Variants in SAMD4B observed in about 807,000 individuals in gnomAD.
SAMD4B encodes the protein protein Smaug homolog 2.
A neutral mutation model predicts 74.5 loss-of-function variants in SAMD4B; 5 were observed. The ratio of observed to expected loss-of-function variants is 0.07; its 90% confidence interval spans 0.04 to 0.14. SAMD4B has a LOEUF of 0.14. Among genes scored for constraint, SAMD4B ranks in the 10% least tolerant of loss-of-function variants. The probability of loss-of-function intolerance (pLI) is 1.00; values close to 1 mark genes in which losing one functional copy is unlikely to be tolerated. For synonymous variants in SAMD4B, 373 were observed against 374.9 expected (o/e 1.00, Z 0.06); for missense variants, 608 against 921.8 (o/e 0.66, Z 4.41).
At chr19:39,388,788 C>T (rs1382042023), downstream of SAMD4B, 6 of 1,614,002 alleles carry the variant, frequency 3.7e-6, no homozygotes, top group Non-Finnish European at 2.5e-6. Flanking sequence ...ACATCATCTC[C>T]AACGCAGCTG....
chr19:39,383,493 C>A lies in SAMD4B; in HGVS notation c.2057-6C>A, dbSNP rs1366494782. The A allele has an allele frequency of 1.9e-6, 3 of 1,614,020 alleles. No individual in the cohort carries two copies. Among genetic ancestry groups the A allele is most frequent in the Admixed American group, 3.3e-5 (2 of 60,032 alleles). On this transcript the variant is annotated splice_region_variant and splice_polypyrimidine_tract_variant and intron_variant, in intron 13 of 13. Coordinates refer to ENST00000610417, the MANE Select transcript of SAMD4B (RefSeq NM_001384574.2). The surrounding 1 kb of genome is among the most constrained non-coding windows in gnomAD (Gnocchi z 4.1). ...TCTTCCTCCCTTCCTCCCTTTCTTA[C>A]CACAGATGGGACAGACAAAACCTCC...
At position 39,369,648 on chromosome 19, in the gene SAMD4B, T is replaced by C; in HGVS notation, c.197-7T>C. 2.5e-6 allele frequency: 4 copies of C among 1,612,864 alleles called. No individual in the cohort carries two copies. Among genetic ancestry groups the C allele is most frequent in the Non-Finnish European group, 3.4e-6 (4 of 1,179,256 alleles). ...TCTCCTGATATTTCTTCTTATCCCT[T>C]CTGTAGCCATCGTCAGCCAGTGGCA... is the stretch of plus-strand genomic sequence containing the variant. On this transcript the variant is annotated splice_region_variant and splice_polypyrimidine_tract_variant and intron_variant, in intron 3 of 13. Transcript: ENST00000610417.
At chr19:39,386,121 C>T (rs2078242068), downstream of SAMD4B, 2 of 1,614,110 alleles carry the variant, frequency 1.2e-6, no homozygotes, top group Non-Finnish European at 1.7e-6. This position sits in a 1 kb window ranked among gnomAD's most constrained non-coding sequence, Gnocchi z 6.1. Context: ...CCGCTGGCCA[C>T]CCCCATTGCT....
the SAMD4B span, chr19:39,390,739 C>A: frequency 6.9e-7 from 1 of 1,448,114 alleles, no homozygotes. Flanking sequence ...ACGGGCAGAC[C>A]TGGGGGCTGG....
At chr19:39,360,773 G>T (rs2076599757) in intron 3 of SAMD4B, among the ~76,000 whole-genome samples, 1 of 152,092 alleles carries the variant, frequency 6.6e-6, no homozygotes, top group East Asian at 1.9e-4. Context: ...CCATTCCCTG[G>T]TGTTTCTCAA....
At chr19:39,387,662 A>G (rs942051610), downstream of SAMD4B, among the ~76,000 whole-genome samples, 2 of 152,242 alleles carry the variant, frequency 1.3e-5, no homozygotes, top group Non-Finnish European at 2.9e-5. Context: ...ACTTTGAGCC[A>G]TAAGGGAAGA....
rs1369111908 is a variant in SAMD4B at position 39,369,381 on chromosome 19, A to G, written c.197-274A>G. On this transcript the variant is annotated intron_variant, in intron 3 of 13. Transcript: ENST00000610417. ...CAGGTCAAAACTCCCGTGCTGATCA[A>G]TAGTGGGATTGCACTTGTGAATAGC... 11 of 463,346 alleles carry G rather than the reference A, an allele frequency of 2.4e-5. No individual in the cohort carries two copies. In the Admixed American group the frequency reaches 2.6e-4, roughly 11 times the overall value. The allele number at this position is 463,346 out of a possible 1,614,324, so 28.7% of individuals were successfully genotyped here.
Position 39,375,566 on chromosome 19 carries a change from C to A in SAMD4B, c.668-84C>A. Reference sequence around the variant, plus strand: ...TTGGCAGGTTATGGGGCCAAACTGCCATCCTGGCACTGACGGCAGGGGGAT... The same window carrying A: ...TTGGCAGGTTATGGGGCCAAACTGCAATCCTGGCACTGACGGCAGGGGGAT... On this transcript the variant is annotated intron_variant, in intron 4 of 13. Transcript: ENST00000610417. The surrounding 1 kb of genome is among the most constrained non-coding windows in gnomAD (Gnocchi z 4.1). The A allele has an allele frequency of 6.5e-7, 1 of 1,529,328 alleles. No individual in the cohort carries two copies. The highest frequency in any genetic ancestry group is 1.2e-5 in the South Asian group (1 of 80,054). The allele number at this position is 1,529,328 out of a possible 1,614,324, so 94.7% of individuals were successfully genotyped here. A position where few individuals can be genotyped will look rare whatever the true frequency, so the allele number is the denominator to read the frequency against.
chr19:39,367,490 G>GTT (rs370783409), intron 3 of SAMD4B, among the ~76,000 whole-genome samples: 14 of 141,366 alleles, frequency 9.9e-5, no homozygotes, highest in Admixed American at 9.2e-4. Flanking sequence ...TGCTAATGAG[G>GTT]TTTTTTTTTT....
Position 39,369,685 on chromosome 19 carries a change from A to T in SAMD4B, c.227A>T (p.Lys76Ile), listed in dbSNP as rs1442311330. 1 of 1,614,014 alleles carries T rather than the reference A, an allele frequency of 6.2e-7. No individual in the cohort carries two copies. The highest frequency in any genetic ancestry group is 8.5e-7 in the Non-Finnish European group (1 of 1,180,012). ...AIVSQWQQES[K>I]EKVVSLLLSH... ...GTCAGCCAGTGGCAGCAGGAGTCCAAAGAGAAGGTGGTGTCCCTCCTGCTG... is the reference window on the plus strand; with the variant it reads ...GTCAGCCAGTGGCAGCAGGAGTCCATAGAGAAGGTGGTGTCCCTCCTGCTG... The change falls in exon 4 of 14, where the codon AAA becomes ATA. Residue 76 changes from lysine (K) to isoleucine (I), a missense_variant. Physicochemically the swap from Lys to Ile is moderately radical, Grantham distance 102 (BLOSUM62 -3). Around this residue, in one of 9 missense-constraint regions of SAMD4B, gnomAD observed 74 missense variants for 182.0 expected, o/e 0.41. Transcript: ENST00000610417.
downstream of SAMD4B, among the ~76,000 whole-genome samples, chr19:39,387,697 T>C (rs1250370190): frequency 1.3e-5 from 2 of 152,218 alleles, no homozygotes; most frequent in African/African-American, 4.8e-5. Flanking sequence ...TTTTTGAACA[T>C]GGGTTTAAGC....
intron 3 of SAMD4B, among the ~76,000 whole-genome samples, chr19:39,360,973 A>C (rs1480165948): frequency 6.6e-6 from 1 of 152,006 alleles, no homozygotes; most frequent in East Asian, 1.9e-4. Context: ...GACATGAGAC[A>C]CCCAAGAGTT....
At position 39,376,653 on chromosome 19, in the gene SAMD4B, A is replaced by G. The variant is rs377043070; in HGVS notation, c.1018-52A>G. Reference sequence around the variant, plus strand: ...TTGATCTCTATTTGGGTACCCCCAAATATCTCAGCCTCACATCTCTAGCTT... The same window carrying G: ...TTGATCTCTATTTGGGTACCCCCAAGTATCTCAGCCTCACATCTCTAGCTT... On this transcript the variant is annotated intron_variant, in intron 6 of 13. Transcript: ENST00000610417. The G allele has an allele frequency of 1.9e-4, 296 of 1,599,858 alleles. 1 individual carries two copies. The African/African-American group carries it at 3.7e-3, about 20-fold the overall frequency.
At chr19:39,357,568 A>T (rs2076404546) in intron 3 of SAMD4B, among the ~76,000 whole-genome samples, 1 of 152,240 alleles carries the variant, frequency 6.6e-6, no homozygotes, top group African/African-American at 2.4e-5. Context: ...ATTTAGATAC[A>T]GTTCATCCTG....
chr19:39,346,716 G>C (rs2075725505), intron 1 of SAMD4B, among the ~76,000 whole-genome samples: 1 of 152,132 alleles, frequency 6.6e-6, no homozygotes, highest in Non-Finnish European at 1.5e-5. Flanking sequence ...TTGATTTTTA[G>C]TTAAGATAGG....
Position 39,380,577 on chromosome 19 carries a change from T to G in SAMD4B, c.1650-10T>G, listed in dbSNP as rs1478188259. 1.2e-6 allele frequency: 2 copies of G among 1,614,042 alleles called. No individual in the cohort carries two copies. Among genetic ancestry groups the G allele is most frequent in the East Asian group, 2.2e-5 (1 of 44,882 alleles). ...TGTAAATTAACACCCTGCCTTCTGC[T>G]CTCTCATAGCTGGGCATTCGGCTCC... is the stretch of plus-strand genomic sequence containing the variant. On this transcript the variant is annotated splice_polypyrimidine_tract_variant and intron_variant, in intron 10 of 13. Transcript: ENST00000610417.
At chr19:39,365,554 CA>C (rs148122306) in intron 3 of SAMD4B, among the ~76,000 whole-genome samples, 8,449 of 141,146 alleles carry the variant, frequency 0.06, 355 homozygotes, top group Admixed American at 0.13. Context: ...GCCTCCATGT[CA>C]AAAAAAAAAA....
chr19:39,359,850 A>T (rs2076545083), intron 3 of SAMD4B: 1 of 152,192 alleles, frequency 6.6e-6, no homozygotes, highest in Admixed American at 6.5e-5. Flanking sequence ...AACTCCTCAG[A>T]TTCTGCAGAA....
rs73547915 is a variant in SAMD4B at position 39,376,710 on chromosome 19, C to T, written c.1023C>T (p.Val341=). The change falls in exon 7 of 14, where the codon GTC becomes GTT. Residue 341 remains valine, a synonymous_variant. Transcript: ENST00000610417. ...LTEQHLESQN[V]TKGARHKIAL... ...CCCTTCTGCCCTTATCACAGAACGT[C>T]ACCAAAGGTGCCCGCCACAAGATAG... is the stretch of plus-strand genomic sequence containing the variant. The T allele has an allele frequency of 1.1e-3, 1,777 of 1,614,062 alleles. 16 individuals carry two copies. In the African/African-American group the frequency reaches 0.022, roughly 20 times the overall value.
Sources: gnomAD v4.1 joint callset for allele counts (sites outside exome capture counted in the v4.1 genomes callset) on GRCh38, gnomAD v4.1.1 for gene constraint, gnomAD v4.1.1 regional missense constraint, Gnocchi (gnomAD v3.1) non-coding constraint, MANE v1.5 for transcripts, NCBI Gene and HGNC (gene_info 2026-07-23, HGNC 2026-07-21) for gene names.